The following FRMD3 variants were observed in gnomAD, a reference collection of about 807,000 sequenced individuals.
The protein encoded by FRMD3 is FERM domain-containing protein 3.
A neutral mutation model predicts 70.2 loss-of-function variants in FRMD3; 33 were observed. The observed-to-expected ratio is 0.47, with a 90% CI of 0.36 to 0.63. FRMD3 has a LOEUF of 0.63. FRMD3 is among the 20% of genes least tolerant of loss of function. The probability of loss-of-function intolerance (pLI) is 0.00; values close to 1 mark genes in which losing one functional copy is unlikely to be tolerated. For missense variants in FRMD3, 632 were observed against 711.4 expected (o/e 0.89, Z 1.27); for synonymous variants, 279 against 255.9 (o/e 1.09, Z -0.86).
rs1834910211 is a variant in FRMD3, at chr9:83,301,181, T to G, written c.927-1995A>C. On this transcript the variant is annotated intron_variant, in intron 10 of 13. Transcript: ENST00000304195. ...TGCAGTGTGCTGGCTGGAGCTTCCTTCCAGACCACACCCACTCACGAGGCT... is the reference window on the plus strand; with the variant it reads ...TGCAGTGTGCTGGCTGGAGCTTCCTGCCAGACCACACCCACTCACGAGGCT... Among the ~76,000 whole-genome samples the G allele has an allele frequency of 2.0e-5, 3 of 152,048 alleles. No homozygotes were observed. In the South Asian group the frequency reaches 6.2e-4, roughly 32 times the overall value.
chr9:83,562,899 C>G, the FRMD3 span, among the ~76,000 whole-genome samples: 106 of 151,842 alleles, frequency 7.0e-4, no homozygotes, highest in Middle Eastern at 3.4e-3. Flanking sequence ...ATGCCCCCCC[C>G]CCAGCACAGA....
chr9:83,280,115 C>T (rs1476724980), intron 13 of FRMD3, among the ~76,000 whole-genome samples: 1 of 152,094 alleles, frequency 6.6e-6, no homozygotes, highest in East Asian at 1.9e-4. Flanking sequence ...AAAGAACAAT[C>T]AGAGTGGAGA....
intron 6 of FRMD3, among the ~76,000 whole-genome samples, chr9:83,334,610 C>G (rs1473381248): frequency 2.0e-5 from 3 of 146,744 alleles, no homozygotes; most frequent in Non-Finnish European, 4.6e-5. Flanking sequence ...CCCATGCTTG[C>G]TATTACCAAA....
intron 1 of FRMD3, among the ~76,000 whole-genome samples, chr9:83,529,145 T>C (rs1392991247): frequency 2.0e-5 from 3 of 152,164 alleles, no homozygotes; most frequent in Non-Finnish European, 4.4e-5. Flanking sequence ...CTCTAGAAAA[T>C]TCCACTGTAC....
intron 9 of FRMD3, among the ~76,000 whole-genome samples, chr9:83,309,990 T>A (rs1386736452): frequency 1.3e-5 from 2 of 152,166 alleles, no homozygotes; most frequent in Non-Finnish European, 2.9e-5. Context: ...ACCCGCAAAT[T>A]TCTAGAGCTA....
At chr9:83,365,672 G>C (rs1301172736) in intron 3 of FRMD3, among the ~76,000 whole-genome samples, 2 of 152,052 alleles carry the variant, frequency 1.3e-5, no homozygotes, top group Non-Finnish European at 2.9e-5. Flanking sequence ...TGAGGTGTAG[G>C]GGGCAAGATA....
At chr9:83,313,874 C>T (rs778893730) in intron 6 of FRMD3, 127 bp from the exon 7 acceptor site, 101 of 666,186 alleles carry the variant, frequency 1.5e-4, no homozygotes, top group Non-Finnish European at 2.2e-4. Flanking sequence ...AAATAGTAAT[C>T]AGTAAGACTG....
intron 13 of FRMD3, among the ~76,000 whole-genome samples, chr9:83,283,760 T>C (rs1834074546): frequency 6.6e-6 from 1 of 152,158 alleles, no homozygotes; most frequent in Admixed American, 6.5e-5. Flanking sequence ...TTCAGGATAG[T>C]CCAAGCGTGT....
chr9:83,554,843 CGTCACAGTCTG>C, the FRMD3 span, among the ~76,000 whole-genome samples: 2 of 152,258 alleles, frequency 1.3e-5, no homozygotes, highest in African/African-American at 4.8e-5. Flanking sequence ...CAGGCACCCA[CGTCACAGTCTG>C]GTCACTTTTC....
At chr9:83,554,746 G>A in the FRMD3 span, among the ~76,000 whole-genome samples, 1 of 152,208 alleles carries the variant, frequency 6.6e-6, no homozygotes, top group Non-Finnish European at 1.5e-5. Flanking sequence ...CCAAGGAGTT[G>A]CTGAACTGGT....
intron 3 of FRMD3, among the ~76,000 whole-genome samples, chr9:83,356,581 CT>C (rs1265586332): frequency 3.3e-4 from 48 of 145,614 alleles, no homozygotes; most frequent in Middle Eastern, 3.6e-3. Flanking sequence ...CGGCCAGCAG[CT>C]TTTTTTTTTT....
At chr9:83,466,484 A>G (rs1439323844) in intron 1 of FRMD3, among the ~76,000 whole-genome samples, 1 of 152,156 alleles carries the variant, frequency 6.6e-6, no homozygotes, top group Non-Finnish European at 1.5e-5. Flanking sequence ...TTTGCTACAC[A>G]TTTCTAAGAA....
At chr9:83,352,778 C>T (rs1232584838) in intron 3 of FRMD3, among the ~76,000 whole-genome samples, 1 of 152,208 alleles carries the variant, frequency 6.6e-6, no homozygotes, top group Non-Finnish European at 1.5e-5. Context: ...TTGCCAGCTT[C>T]ATTCTGGACA....
At chr9:83,335,781 G>T in intron 5 of FRMD3, 142 bp from the exon 6 acceptor site, 1 of 644,974 alleles carries the variant, frequency 1.6e-6, no homozygotes, top group Non-Finnish European at 2.6e-6. Context: ...CCCAGAGAAA[G>T]CCTGAGTGTC....
chr9:83,383,912 G>A (rs964995653), intron 2 of FRMD3, among the ~76,000 whole-genome samples: 1 of 152,160 alleles, frequency 6.6e-6, no homozygotes, highest in African/African-American at 2.4e-5. Context: ...TGTAAACAGA[G>A]TCAATTATGA....
chr9:83,251,273 G>A (rs1205504626), intron 13 of FRMD3, among the ~76,000 whole-genome samples: 2 of 152,184 alleles, frequency 1.3e-5, no homozygotes, highest in Non-Finnish European at 1.5e-5. Context: ...AGCAGCCCTA[G>A]AGTAGAGTGG....
intron 1 of FRMD3, among the ~76,000 whole-genome samples, chr9:83,462,567 A>G (rs902113434): frequency 3.3e-5 from 5 of 151,976 alleles, no homozygotes; most frequent in African/African-American, 1.2e-4. Context: ...TCCCTAGTAC[A>G]TTGTTTCCAT....
At chr9:83,371,278 T>C (rs1352207011) in intron 3 of FRMD3, among the ~76,000 whole-genome samples, 1 of 152,034 alleles carries the variant, frequency 6.6e-6, no homozygotes, top group Non-Finnish European at 1.5e-5. Context: ...CTCATTATCC[T>C]GCATATCATA....
chr9:83,539,456 G>A (rs11140145), upstream of FRMD3, among the ~76,000 whole-genome samples: 6,447 of 152,248 alleles, frequency 0.042, 253 homozygotes, highest in East Asian at 0.2. Flanking sequence ...TGCTCTTGCC[G>A]GAGCAGAACA....
Sources: allele counts gnomAD v4.1 joint callset (sites outside exome capture counted in the v4.1 genomes callset), GRCh38; gene constraint gnomAD v4.1.1; transcripts MANE v1.5; gene names NCBI Gene and HGNC (gene_info 2026-07-23, HGNC 2026-07-21).